The following GABARAPL2 variants were observed in gnomAD, a reference collection of about 807,000 sequenced individuals.
GABARAPL2 encodes the protein gamma-aminobutyric acid receptor-associated protein-like 2.
Under a neutral mutation model 16.9 loss-of-function variants are expected in GABARAPL2, and 11 were observed. The ratio of observed to expected loss-of-function variants is 0.65; its 90% CI spans 0.41 to 1.08. The LOEUF (loss-of-function observed/expected upper bound fraction) is 1.08, where lower values mean the gene tolerates loss of function less well. Among genes scored for constraint, GABARAPL2 ranks in the 50% least tolerant of loss-of-function variants. The pLI, the probability that GABARAPL2 is intolerant of heterozygous loss-of-function variation, is 0.00. For missense variants in GABARAPL2, 134 were observed against 142.5 expected (o/e 0.94, Z 0.30); for synonymous variants, 57 against 50.7 (o/e 1.12, Z -0.53).
chr16:75,568,387 T>TA (rs2080896340), intron 3 of GABARAPL2, 178 bp downstream of exon 3: 2 of 459,210 alleles, frequency 4.4e-6, no homozygotes, highest in South Asian at 9.6e-5. Flanking sequence ...AAGAGTGCAT[T>TA]TTGGATTCAG....
At chr16:75,570,332 A>G (rs907669175) in intron 3 of GABARAPL2, among the ~76,000 whole-genome samples, 5 of 152,290 alleles carry the variant, frequency 3.3e-5, no homozygotes, top group Middle Eastern at 3.4e-3. Context: ...CAATATATAA[A>G]TCACCCATAA....
At chr16:75,566,666 C>T in intron 1 of GABARAPL2, 146 bp downstream of exon 1, 2 of 1,003,808 alleles carry the variant, frequency 2.0e-6, no homozygotes, top group Non-Finnish European at 1.5e-6. Context: ...CCTCGGGCAG[C>T]GGCCCCCTGA....
chr16:75,570,962 G>A (rs1238247522), intron 3 of GABARAPL2, among the ~76,000 whole-genome samples: 1 of 152,228 alleles, frequency 6.6e-6, no homozygotes, highest in Admixed American at 6.5e-5. Flanking sequence ...GGGGAACTCA[G>A]ACCTGGCAGT....
intron 3 of GABARAPL2, among the ~76,000 whole-genome samples, chr16:75,569,127 G>T (rs2080900951): frequency 6.6e-6 from 1 of 152,216 alleles, no homozygotes; most frequent in East Asian, 1.9e-4. Context: ...ATAGGTTCCT[G>T]TTGAAAATCC....
intron 3 of GABARAPL2, among the ~76,000 whole-genome samples, chr16:75,573,744 C>T (rs1291980216): frequency 6.6e-6 from 1 of 152,180 alleles, no homozygotes; most frequent in Non-Finnish European, 1.5e-5. Context: ...GCAGAAGGTA[C>T]AAGGACTCTA....
intron 3 of GABARAPL2, among the ~76,000 whole-genome samples, chr16:75,570,299 G>A (rs2080907778): frequency 6.6e-6 from 1 of 152,114 alleles, no homozygotes; most frequent in South Asian, 2.1e-4. Context: ...CATAAGAGGC[G>A]TGTGACATCA....
chr16:75,569,320 G>T (rs2080901821), intron 3 of GABARAPL2, among the ~76,000 whole-genome samples: 1 of 152,194 alleles, frequency 6.6e-6, no homozygotes, highest in Non-Finnish European at 1.5e-5. Context: ...TATTCAACCT[G>T]AGGAGACACC....
chr16:75,567,737 G>A (rs920524321), intron 2 of GABARAPL2, among the ~76,000 whole-genome samples: 1 of 152,164 alleles, frequency 6.6e-6, no homozygotes, highest in Non-Finnish European at 1.5e-5. Flanking sequence ...GGCCATGGAT[G>A]AAACCCTCCC....
At chr16:75,571,841 A>G (rs2080916544) in intron 3 of GABARAPL2, among the ~76,000 whole-genome samples, 1 of 150,972 alleles carries the variant, frequency 6.6e-6, no homozygotes, top group Non-Finnish European at 1.5e-5. Context: ...ACGCCCGGCT[A>G]CTTTTTTTGT....
Position 75,566,543 on chromosome 16 carries a change from G to T in GABARAPL2, c.34+23G>T, listed in dbSNP as rs746876136. ...TGGGTAAGCACTTGGTCGTCGGCCC[G>T]GCTGCTGGGGGCTGGGGCGGCGGGT... is the stretch of plus-strand genomic sequence containing the variant. On this transcript the variant is annotated intron_variant, in intron 1 of 3. Transcript: ENST00000037243. The T allele has an allele frequency of 5.6e-6, 9 of 1,605,966 alleles. No individual in the cohort carries two copies. The Admixed American group carries it at 1.5e-4, about 27-fold the overall frequency.
chr16:75,566,832 C>G lies in GABARAPL2; in HGVS notation c.35-20C>G. 2.5e-6 allele frequency: 4 copies of G among 1,610,962 alleles called. No homozygotes were observed. The highest frequency in any genetic ancestry group is 1.1e-5 in the South Asian group (1 of 91,044). On this transcript the variant is annotated intron_variant, in intron 1 of 3. Coordinates refer to ENST00000037243, the MANE Select transcript of GABARAPL2 (RefSeq NM_007285.7). Reference sequence around the variant, plus strand: ...CCGGTGGGCAGGCGCGGCCGTCAGCCCCGTTTGTTTCTCCCACAGAACACA... The same window carrying G: ...CCGGTGGGCAGGCGCGGCCGTCAGCGCCGTTTGTTTCTCCCACAGAACACA...
chr16:75,570,908 C>A (rs772683832), intron 3 of GABARAPL2, among the ~76,000 whole-genome samples: 2 of 152,088 alleles, frequency 1.3e-5, no homozygotes, highest in Non-Finnish European at 2.9e-5. Flanking sequence ...GACAGAACTT[C>A]AGAAAAAACA....
At chr16:75,571,956 G>T (rs2080917400) in intron 3 of GABARAPL2, among the ~76,000 whole-genome samples, 1 of 152,108 alleles carries the variant, frequency 6.6e-6, no homozygotes. Context: ...GGGATTACAG[G>T]CGTGAGCCAC....
rs533902897 is a variant in GABARAPL2, at chr16:75,566,388, C to CGTCGCT, written c.-97_-92dup. 1,743 of 887,032 alleles carry CGTCGCT rather than the reference C, an allele frequency of 2.0e-3. 29 individuals are homozygous for CGTCGCT. The African/African-American group carries it at 0.027, about 14-fold the overall frequency. The allele number at this position is 887,032 out of a possible 1,614,324, so 54.9% of individuals were successfully genotyped here. A position where few individuals can be genotyped will look rare whatever the true frequency, so the allele number is the denominator to read the frequency against. ...GTCCCGCCTGCCGTGTAGTCGCCGC[C>CGTCGCT]GTCGCTGCCGCTGCCGCTGCCGCCG... On this transcript the variant is annotated 5_prime_UTR_variant, in exon 1 of 4. Coordinates refer to ENST00000037243, the MANE Select transcript of GABARAPL2 (RefSeq NM_007285.7).
chr16:75,571,219 GGCT>G, intron 3 of GABARAPL2, among the ~76,000 whole-genome samples: 1 of 152,152 alleles, frequency 6.6e-6, no homozygotes. Context: ...TCAAACTCCT[GGCT>G]ACAGGTGATC....
At chr16:75,572,462 G>A (rs3743604) in intron 3 of GABARAPL2, 6 of 152,228 alleles carry the variant, frequency 3.9e-5, no homozygotes, top group Non-Finnish European at 7.3e-5. Context: ...TGGGGCGAAC[G>A]TAGGTTCTCT....
At chr16:75,572,618 C>G (rs1399693762) in intron 3 of GABARAPL2, 1 of 152,252 alleles carries the variant, frequency 6.6e-6, no homozygotes, top group African/African-American at 2.4e-5. Flanking sequence ...TGCACAGTTT[C>G]TCCACTGGAG....
intron 3 of GABARAPL2, among the ~76,000 whole-genome samples, chr16:75,573,631 A>T (rs778642388): frequency 2.0e-5 from 3 of 152,260 alleles, no homozygotes; most frequent in African/African-American, 7.2e-5. Flanking sequence ...GCTACTCAGC[A>T]TGTGATGCAG....
At chr16:75,567,048 C>T in intron 2 of GABARAPL2, 141 bp downstream of exon 2, 4 of 720,304 alleles carry the variant, frequency 5.6e-6, no homozygotes, top group Non-Finnish European at 9.6e-6. Flanking sequence ...GGGATGAGGC[C>T]GCCCAGGGCC....
Sources: allele counts gnomAD v4.1 joint callset (sites outside exome capture counted in the v4.1 genomes callset), GRCh38; gene constraint gnomAD v4.1.1; transcripts MANE v1.5; gene names NCBI Gene and HGNC (gene_info 2026-07-23, HGNC 2026-07-21).